Variants in DDX60L observed in about 807,000 individuals in gnomAD.
DDX60L encodes the protein probable ATP-dependent RNA helicase DDX60-like.
A neutral mutation model predicts 211.6 loss-of-function variants in DDX60L; 191 were observed. The ratio of observed to expected loss-of-function variants is 0.90; its 90% CI spans 0.80 to 1.02. DDX60L has a LOEUF of 1.02. Among genes scored for constraint, DDX60L ranks in the 50% least tolerant of loss-of-function variants. DDX60L has a pLI of 0.00. For missense variants in DDX60L, 2,007 were observed against 1,984.1 expected (o/e 1.01, Z -0.22); for synonymous variants, 706 against 694.1 (o/e 1.02, Z -0.27).
chr4:168,453,752 G>A (rs34600902), intron 7 of DDX60L, among the ~76,000 whole-genome samples: 1 of 151,884 alleles, frequency 6.6e-6, no homozygotes, highest in Non-Finnish European at 1.5e-5. Flanking sequence ...AACTATTTTC[G>A]AATATATAAA....
intron 9 of DDX60L, among the ~76,000 whole-genome samples, chr4:168,446,551 G>A (rs7658777): frequency 2.3e-4 from 35 of 152,222 alleles, no homozygotes; most frequent in African/African-American, 7.5e-4. Context: ...ATACGGAACC[G>A]AAAAAGAGAC....
intron 29 of DDX60L, among the ~76,000 whole-genome samples, chr4:168,391,246 A>T (rs1744755534): frequency 6.6e-6 from 1 of 152,240 alleles, no homozygotes; most frequent in Non-Finnish European, 1.5e-5. Context: ...ACTATAAAGG[A>T]TCAAGAATCA....
At position 168,384,740 on chromosome 4, in the gene DDX60L, T is replaced by C; in HGVS notation, c.3988A>G (p.Lys1330Glu). 4 of 1,613,784 alleles carry C rather than the reference T, an allele frequency of 2.5e-6. No homozygotes were observed. Among genetic ancestry groups the C allele is most frequent in the Non-Finnish European group, 3.4e-6 (4 of 1,179,892 alleles). Residue 1330 changes from lysine (K) to glutamate (E), a missense_variant, in exon 30 of 38, where the codon AAA becomes GAA. By Grantham distance (56) the Lys-to-Glu change is moderately conservative. Transcript: ENST00000682922. ...NVYFFDIPLPKIKRLLASSVP... is the reference protein window; with the variant it reads ...NVYFFDIPLPEIKRLLASSVP... ...CTGGATGCAAGGAGTCTTTTTATTT[T>C]GGGCAATGGGATATCAAAGAAATAC...
intron 11 of DDX60L, 41 bp from the exon 12 acceptor site, chr4:168,432,611 T>C: frequency 7.9e-7 from 1 of 1,269,424 alleles, no homozygotes; most frequent in Non-Finnish European, 1.1e-6. Context: ...TTTTAAGCTT[T>C]TCAAATTTTA....
In DDX60L at chr4:168,413,132, A is replaced by G. The variant is rs191500065; in HGVS notation, c.2979+2276T>C. 3.8e-4 allele frequency among the ~76,000 whole-genome samples: 58 copies of G among 152,356 alleles called. 1 individual carries two copies. The highest frequency in any genetic ancestry group is 6.3e-4 in the Non-Finnish European group (43 of 68,032). ...CTAACTACTTAATGTCTAAGCATCA[A>G]TGAATATCCACAAGCATCAAGACCA... On this transcript the variant is annotated intron_variant, in intron 22 of 37. Transcript: ENST00000682922.
intron 35 of DDX60L, among the ~76,000 whole-genome samples, chr4:168,372,970 T>C (rs1334493037): frequency 6.6e-6 from 1 of 152,238 alleles, no homozygotes; most frequent in Non-Finnish European, 1.5e-5. Flanking sequence ...ATATTTATAA[T>C]GAACCTGAAA....
chr4:168,432,378 T>C, intron 12 of DDX60L, 77 bp downstream of exon 12: 1 of 552,466 alleles, frequency 1.8e-6, no homozygotes, highest in Admixed American at 3.9e-5. Context: ...TACAATGTAA[T>C]ATCTTTTCAC....
chr4:168,479,616 G>T (rs1048331706), intron 1 of DDX60L, among the ~76,000 whole-genome samples: 1 of 151,980 alleles, frequency 6.6e-6, no homozygotes, highest in African/African-American at 2.4e-5. Context: ...AAAGAGAAGC[G>T]GGAAAAAAGA....
Position 168,419,353 on chromosome 4 carries a change from A to T in DDX60L, c.2559T>A (p.Ala853=). The T allele has an allele frequency of 3.8e-6, 6 of 1,598,656 alleles. No homozygotes were observed. Among genetic ancestry groups the T allele is most frequent in the Non-Finnish European group, 5.1e-6 (6 of 1,171,544 alleles). The change falls in exon 19 of 38, where the codon GCT becomes GCA. Residue 853 remains alanine (A), a synonymous_variant. Transcript: ENST00000682922. ...TTTCCACCCATTTTTGGCGATGAGG[A>T]GCAAGCAACAGGATTTCAAAACATT... ...VPECFEILLL[A]PHRQKWVERI...
intron 19 of DDX60L, among the ~76,000 whole-genome samples, chr4:168,418,934 G>T (rs1450920890): frequency 6.6e-6 from 1 of 152,162 alleles, no homozygotes; most frequent in African/African-American, 2.4e-5. Context: ...GGTCAACCTT[G>T]GCCAGCTGCA....
At chr4:168,391,460 G>A in intron 29 of DDX60L, 80 bp downstream of exon 29, 1 of 915,922 alleles carries the variant, frequency 1.1e-6, no homozygotes, top group East Asian at 2.6e-5. Context: ...ACCGTAGCCT[G>A]TTACCAGATG....
At chr4:168,379,300 G>C (rs11734310) in intron 32 of DDX60L, 63 bp downstream of exon 32, 151,427 of 1,303,804 alleles carry the variant, frequency 0.12, 10,246 homozygotes, top group Admixed American at 0.17. Flanking sequence ...ACATATCTGC[G>C]GTTTTGGCTA....
At chr4:168,441,803 C>T (rs929184016) in intron 9 of DDX60L, among the ~76,000 whole-genome samples, 4 of 151,976 alleles carry the variant, frequency 2.6e-5, no homozygotes, top group African/African-American at 7.3e-5. Context: ...GGCAATGTAC[C>T]GAGATGCCCT....
chr4:168,465,804 G>A (rs1371571748), intron 4 of DDX60L, among the ~76,000 whole-genome samples: 3 of 152,100 alleles, frequency 2.0e-5, no homozygotes, highest in Non-Finnish European at 4.4e-5. Flanking sequence ...TCATTTGGCT[G>A]TAAATACATG....
At chr4:168,398,560 A>C (rs1746234111) in intron 26 of DDX60L, among the ~76,000 whole-genome samples, 1 of 152,172 alleles carries the variant, frequency 6.6e-6, no homozygotes, top group South Asian at 2.1e-4. Flanking sequence ...CAAGCTGAGA[A>C]AGGCCTGAAA....
At position 168,441,003 on chromosome 4, in the gene DDX60L, T is replaced by C. The variant is rs189171315; in HGVS notation, c.1294+334A>G. On this transcript the variant is annotated intron_variant, in intron 10 of 37. Coordinates refer to ENST00000682922, the MANE Select transcript of DDX60L (RefSeq NM_001012967.3). ...AAGCAGACAAAACTAAGAAATCATA[T>C]TGAAGTCTGTTAAAGAGATGAGAGG... Among the ~76,000 whole-genome samples, 333 of 152,126 alleles carry C rather than the reference T, an allele frequency of 2.2e-3. 2 individuals carry two copies. The highest frequency in any genetic ancestry group is 4.1e-3 in the Non-Finnish European group (278 of 68,004).
chr4:168,420,170 A>G, intron 18 of DDX60L, 91 bp downstream of exon 18: 1 of 1,075,934 alleles, frequency 9.3e-7, no homozygotes, highest in Non-Finnish European at 1.3e-6. Flanking sequence ...TGATTTCTAT[A>G]AGGGCTTGTG....
intron 4 of DDX60L, among the ~76,000 whole-genome samples, chr4:168,462,261 A>G (rs879312596): frequency 6.6e-6 from 1 of 152,184 alleles, no homozygotes; most frequent in Non-Finnish European, 1.5e-5. Context: ...ATACACTACC[A>G]CTTCACTTCT....
chr4:168,369,638 G>A (rs1740637779), intron 36 of DDX60L, among the ~76,000 whole-genome samples: 1 of 152,000 alleles, frequency 6.6e-6, no homozygotes, highest in Non-Finnish European at 1.5e-5. Flanking sequence ...CAACAGAGTG[G>A]AGAGATAACC....
Sources: allele counts gnomAD v4.1 joint callset (sites outside exome capture counted in the v4.1 genomes callset), GRCh38; gene constraint gnomAD v4.1.1; transcripts MANE v1.5; gene names NCBI Gene and HGNC (gene_info 2026-07-23, HGNC 2026-07-21).